The following MAP4K4 variants were observed in gnomAD, a reference collection of about 807,000 sequenced individuals.
MAP4K4 encodes the protein HPK/GCK-like kinase HGK.
MAP4K4 carries 38 observed loss-of-function variants against 189.6 expected under a neutral mutation model. The ratio of observed to expected loss-of-function variants is 0.20; its 90% CI spans 0.15 to 0.26. The LOEUF (loss-of-function observed/expected upper bound fraction) is 0.26. MAP4K4 is among the 10% of genes least tolerant of loss of function. The probability of loss-of-function intolerance (pLI) is 1.00; values close to 1 mark genes in which losing one functional copy is unlikely to be tolerated. For missense variants in MAP4K4, 1,054 were observed against 1,726.9 expected, an observed-to-expected ratio of 0.61 and a Z score of 6.91; for synonymous variants, 610 against 624.3, an observed-to-expected ratio of 0.98 and a Z score of 0.34.
intron 2 of MAP4K4, among the ~76,000 whole-genome samples, chr2:101,744,510 T>G (rs1158527945): frequency 1.3e-5 from 2 of 152,176 alleles, no homozygotes; most frequent in African/African-American, 4.8e-5. Flanking sequence ...TTCTGGTTAC[T>G]GAATTCTAGA....
chr2:101,881,087 A>T (rs2098376445), intron 27 of MAP4K4, among the ~76,000 whole-genome samples: 1 of 152,162 alleles, frequency 6.6e-6, no homozygotes, highest in Admixed American at 6.5e-5. Flanking sequence ...GACAGTATTG[A>T]CTGTTCTGTC....
At chr2:101,806,898 A>T (rs2094991221) in intron 3 of MAP4K4, among the ~76,000 whole-genome samples, 1 of 152,216 alleles carries the variant, frequency 6.6e-6, no homozygotes, top group Admixed American at 6.5e-5. Flanking sequence ...TTGAGATAGA[A>T]GAGATTAAAA....
chr2:101,753,127 G>A (rs2070101197), intron 2 of MAP4K4, among the ~76,000 whole-genome samples: 1 of 152,172 alleles, frequency 6.6e-6, no homozygotes, highest in Admixed American at 6.5e-5. Flanking sequence ...AGCAGGCACT[G>A]TTTTTATTTC....
chr2:101,781,866 C>G (rs929275576), intron 2 of MAP4K4, among the ~76,000 whole-genome samples: 26 of 152,176 alleles, frequency 1.7e-4, no homozygotes, highest in Admixed American at 1.4e-3. Flanking sequence ...GATAGCTCCT[C>G]GAACTGGAAC....
chr2:101,705,336 A>T (rs576823962), intron 2 of MAP4K4, among the ~76,000 whole-genome samples: 4 of 152,184 alleles, frequency 2.6e-5, no homozygotes, highest in Non-Finnish European at 4.4e-5. Context: ...ACAAAATGCC[A>T]GCTGTGGGAT....
rs1409499835 is a variant in MAP4K4 at position 101,847,702 on chromosome 2, G to GA, written c.1233+3397dup. Among the ~76,000 whole-genome samples, 7 of 152,190 alleles carry GA rather than the reference G, an allele frequency of 4.6e-5. No homozygotes were observed. The South Asian group carries it at 1.2e-3, about 27-fold the overall frequency. ...GAATAAAATTTAAAAGTTAAAGTAA[G>GA]AAAAAATTACATTAAGATTAATTTA... is the stretch of plus-strand genomic sequence containing the variant. On this transcript the variant is annotated intron_variant, in intron 12 of 32. Transcript: ENST00000324219.
At chr2:101,803,509 G>A (rs2094593703) in intron 3 of MAP4K4, among the ~76,000 whole-genome samples, 1 of 152,044 alleles carries the variant, frequency 6.6e-6, no homozygotes, top group Non-Finnish European at 1.5e-5. Context: ...TAGCACCCCT[G>A]CCCTTTTTTT....
intron 6 of MAP4K4, 42 bp downstream of exon 6, chr2:101,829,636 G>A (rs371159418): frequency 7.3e-7 from 1 of 1,376,182 alleles, no homozygotes; most frequent in Non-Finnish European, 1.0e-6. Flanking sequence ...ATTGCACCTG[G>A]CACAAGCCAG....
At chr2:101,763,329 C>T (rs1361122984) in intron 2 of MAP4K4, among the ~76,000 whole-genome samples, 5 of 152,190 alleles carry the variant, frequency 3.3e-5, no homozygotes, top group African/African-American at 1.2e-4. Context: ...GACAGAATCA[C>T]ATTGCAAAGA....
chr2:101,748,508 T>G (rs1231996316), intron 2 of MAP4K4, among the ~76,000 whole-genome samples: 1 of 152,194 alleles, frequency 6.6e-6, no homozygotes, highest in Non-Finnish European at 1.5e-5. Flanking sequence ...ACAAGACTGC[T>G]TTCAGAAATA....
chr2:101,845,694 T>G (rs533127109), intron 12 of MAP4K4, among the ~76,000 whole-genome samples: 15 of 152,360 alleles, frequency 9.8e-5, no homozygotes, highest in African/African-American at 3.6e-4. Flanking sequence ...CAGTTCATCA[T>G]TGACCAAAAC....
intron 3 of MAP4K4, among the ~76,000 whole-genome samples, chr2:101,805,072 CAAAAAAAAAAAAAA>C (rs36081384): frequency 1.8e-5 from 1 of 56,440 alleles, no homozygotes; most frequent in Non-Finnish European, 3.8e-5. Context: ...GACTCCAGAT[CAAAAAAAAAAAAAA>C]AAAAAAAAAG....
At chr2:101,811,521 G>C (rs1308865500) in intron 3 of MAP4K4, among the ~76,000 whole-genome samples, 1 of 151,966 alleles carries the variant, frequency 6.6e-6, no homozygotes, top group African/African-American at 2.4e-5. Context: ...CTTGACAGCT[G>C]CCCAAGCTCA....
exon 28 of MAP4K4, chr2:101,882,651 A>T: frequency 1.2e-6 from 2 of 1,610,822 alleles, no homozygotes; most frequent in Non-Finnish European, 1.7e-6. Context: ...GGACAACCGT[A>T]GGGGATTTGG....
At chr2:101,740,987 A>G (rs1249154923) in intron 2 of MAP4K4, among the ~76,000 whole-genome samples, 1 of 152,098 alleles carries the variant, frequency 6.6e-6, no homozygotes, top group African/African-American at 2.4e-5. Context: ...GCTACAAATG[A>G]TGAGACTGAG....
chr2:101,781,435 G>T (rs2087382324), intron 2 of MAP4K4, among the ~76,000 whole-genome samples: 1 of 152,256 alleles, frequency 6.6e-6, no homozygotes, highest in South Asian at 2.1e-4. Context: ...GAATTTATTG[G>T]CTCATGACTC....
chr2:101,865,309 G>C (rs577448278), intron 18 of MAP4K4, among the ~76,000 whole-genome samples: 1 of 152,312 alleles, frequency 6.6e-6, no homozygotes, highest in Admixed American at 6.5e-5. Flanking sequence ...CAGCAAGGAA[G>C]GGGGAGAAGT....
At chr2:101,745,891 A>AT (rs2065254848) in intron 2 of MAP4K4, among the ~76,000 whole-genome samples, 1 of 140,468 alleles carries the variant, frequency 7.1e-6, no homozygotes, top group African/African-American at 2.7e-5. Flanking sequence ...TCTTACTTGT[A>AT]TTGGCCCCCA....
chr2:101,859,993 A>G, intron 15 of MAP4K4, 129 bp downstream of exon 15: 2 of 980,758 alleles, frequency 2.0e-6, no homozygotes, highest in Non-Finnish European at 3.1e-6. Flanking sequence ...TCATTTTCTA[A>G]CTAGGAAATT....
Sources: gnomAD v4.1 joint callset for allele counts (sites outside exome capture counted in the v4.1 genomes callset) on GRCh38, gnomAD v4.1.1 for gene constraint, MANE v1.5 for transcripts, NCBI Gene and HGNC (gene_info 2026-07-23, HGNC 2026-07-21) for gene names.